The following PMS1 variants were observed in gnomAD, a reference collection of about 807,000 sequenced individuals.
PMS1 encodes PMS1 protein homolog 1.
A neutral mutation model predicts 93.1 loss-of-function variants in PMS1; 79 were observed. The observed-to-expected ratio is 0.85, with a 90% confidence interval of 0.71 to 1.02. PMS1 has a LOEUF of 1.02. Among genes scored for constraint, PMS1 ranks in the 50% least tolerant of loss-of-function variants. The probability of loss-of-function intolerance (pLI) is 0.00; values close to 1 mark genes in which losing one functional copy is unlikely to be tolerated. For synonymous variants in PMS1, 335 were observed against 363.4 expected (o/e 0.92, Z 0.89); for missense variants, 1,064 against 1,085.3 (o/e 0.98, Z 0.28).
intron 2 of PMS1, among the ~76,000 whole-genome samples, chr2:189,794,459 G>C (rs1032857437): frequency 2.0e-5 from 3 of 152,114 alleles, no homozygotes; most frequent in African/African-American, 7.2e-5. Context: ...CAAAATCTTA[G>C]GCATCTCTCT....
intron 9 of PMS1, among the ~76,000 whole-genome samples, chr2:189,863,212 GTGTT>G (rs111899559): frequency 3.4e-5 from 5 of 146,538 alleles, no homozygotes; most frequent in South Asian, 2.2e-4. Flanking sequence ...GTTTGTTTGT[GTGTT>G]TGTTTGTTGT....
intron 9 of PMS1, chr2:189,856,032 TC>T (rs1396230104): frequency 1.1e-5 from 2 of 175,136 alleles, no homozygotes; most frequent in African/African-American, 4.8e-5. Flanking sequence ...ATTTTTTTTT[TC>T]ATTCTTTCCT....
At chr2:189,827,526 A>G (rs1015265631) in intron 5 of PMS1, among the ~76,000 whole-genome samples, 2 of 152,272 alleles carry the variant, frequency 1.3e-5, no homozygotes, top group Non-Finnish European at 2.9e-5. Flanking sequence ...AATAAAAGGT[A>G]GAAAGTTCTG....
Position 189,827,439 on chromosome 2 carries a change from C to A in PMS1, c.582+9259C>A, listed in dbSNP as rs560625314. 3.3e-5 allele frequency among the ~76,000 whole-genome samples: 5 copies of A among 152,238 alleles called. No homozygotes were observed. In the South Asian group the frequency reaches 1.0e-3, roughly 32 times the overall value. On this transcript the variant is annotated intron_variant, in intron 5 of 12. Transcript: ENST00000441310. ...TTACATATGTATATCTTGAGCACTT[C>A]ATTTCTTTCTTAGAAAATTGGAATT...
At position 189,809,954 on chromosome 2, in the gene PMS1, T is replaced by A. The variant is rs561571674; in HGVS notation, c.418+4200T>A. Among the ~76,000 whole-genome samples the A allele has an allele frequency of 2.6e-5, 4 of 152,332 alleles. No individual in the cohort carries two copies. In the East Asian group the frequency reaches 7.7e-4, roughly 29 times the overall value. On this transcript the variant is annotated intron_variant, in intron 4 of 12. Transcript: ENST00000441310. ...ATACATATATTTAAAAATCAACAGGTATCTCTTTTTACTTTCATATACACA... is the reference window on the plus strand; with the variant it reads ...ATACATATATTTAAAAATCAACAGGAATCTCTTTTTACTTTCATATACACA...
chr2:189,828,727 T>A (rs750589383), intron 5 of PMS1, among the ~76,000 whole-genome samples: 1 of 152,176 alleles, frequency 6.6e-6, no homozygotes, highest in East Asian at 1.9e-4. Flanking sequence ...TGAAGAAACA[T>A]GCCCAAACTT....
intron 2 of PMS1, among the ~76,000 whole-genome samples, chr2:189,792,196 T>C (rs1444472240): frequency 6.6e-6 from 1 of 152,220 alleles, no homozygotes; most frequent in African/African-American, 2.4e-5. Flanking sequence ...AATGTTTGTA[T>C]TTTCTACAAA....
intron 12 of PMS1, among the ~76,000 whole-genome samples, chr2:189,877,006 C>T (rs1326259339): frequency 3.3e-5 from 5 of 152,078 alleles, no homozygotes; most frequent in Non-Finnish European, 5.9e-5. Context: ...TTTAATTTTA[C>T]GCATTATTTA....
intron 2 of PMS1, among the ~76,000 whole-genome samples, chr2:189,795,525 A>G (rs571327421): frequency 5.2e-4 from 79 of 152,310 alleles, no homozygotes; most frequent in African/African-American, 1.7e-3. Context: ...GTGAAAAGCA[A>G]CCTTAAAGAT....
chr2:189,798,236 C>T (rs1044769946), intron 3 of PMS1, among the ~76,000 whole-genome samples: 2 of 152,108 alleles, frequency 1.3e-5, no homozygotes, highest in African/African-American at 4.8e-5. Flanking sequence ...TAAGTAGCAC[C>T]GTTGTTAAAT....
At chr2:189,831,130 A>G (rs140178808) in intron 5 of PMS1, among the ~76,000 whole-genome samples, 286 of 152,358 alleles carry the variant, frequency 1.9e-3, no homozygotes, top group African/African-American at 6.5e-3. Context: ...TTTAAACATA[A>G]AATACATAGG....
intron 1 of PMS1, among the ~76,000 whole-genome samples, chr2:189,787,232 A>T (rs1055374216): frequency 6.6e-6 from 1 of 152,168 alleles, no homozygotes; most frequent in Non-Finnish European, 1.5e-5. Context: ...AGCCAATTGA[A>T]ATTATGTATA....
At position 189,877,290 on chromosome 2, in the gene PMS1, T is replaced by G. The variant is rs1477260786; in HGVS notation, c.2653T>G (p.Ser885Ala). 1 of 1,613,718 alleles carries G rather than the reference T, an allele frequency of 6.2e-7. No individual in the cohort carries two copies. The highest frequency in any genetic ancestry group is 1.1e-5 in the South Asian group (1 of 91,070). The change falls in exon 13 of 13, where the codon TCC becomes GCC. Residue 885 changes from serine to alanine, a missense_variant. Coordinates refer to ENST00000441310, the MANE Select transcript of PMS1 (RefSeq NM_000534.5). ...SYLEGEAVRL[S>A]RQLPMYLSKE... ...TGGACAGGGAGAAGCAGTGCGTCTA[T>G]CCAGACAATTACCCATGTACTTATC...
chr2:189,808,625 C>T (rs965156139), intron 4 of PMS1, among the ~76,000 whole-genome samples: 1 of 152,080 alleles, frequency 6.6e-6, no homozygotes, highest in African/African-American at 2.4e-5. Context: ...GCCACTGTGC[C>T]CAGCCTAAAA....
chr2:189,805,551 T>G (rs1400593163), intron 3 of PMS1, 101 bp from the exon 4 acceptor site: 2 of 945,310 alleles, frequency 2.1e-6, no homozygotes, highest in Non-Finnish European at 3.4e-6. Context: ...TAAAATACGC[T>G]ATTGAGTAAA....
rs1462293019 is a variant in PMS1 at position 189,855,030 on chromosome 2, T to C, written c.1758T>C (p.Arg586=). Reference sequence around the variant, plus strand: ...GTGCTCTTTTTGTTCAAGATCATCGTCCTCAGTTTCTCATAGAAAATCCTA... The same window carrying C: ...GTGCTCTTTTTGTTCAAGATCATCGCCCTCAGTTTCTCATAGAAAATCCTA... ...SASALFVQDH[R]PQFLIENPKT... Residue 586 remains arginine, a synonymous_variant, in exon 9 of 13, where the codon CGT becomes CGC. Coordinates refer to ENST00000441310, the MANE Select transcript of PMS1 (RefSeq NM_000534.5). 1.2e-6 allele frequency: 2 copies of C among 1,613,022 alleles called. No homozygotes were observed. Among genetic ancestry groups the C allele is most frequent in the South Asian group, 2.2e-5 (2 of 91,064 alleles).
intron 1 of PMS1, among the ~76,000 whole-genome samples, chr2:189,788,978 A>G (rs572440761): frequency 4.6e-5 from 7 of 152,310 alleles, no homozygotes; most frequent in South Asian, 2.1e-4. Flanking sequence ...GGAGTAGCCT[A>G]TAGTCCACTG....
At chr2:189,863,603 C>A in intron 9 of PMS1, 140 bp from the exon 10 acceptor site, 1 of 661,390 alleles carries the variant, frequency 1.5e-6, no homozygotes, top group Non-Finnish European at 2.6e-6. Context: ...TAGTTATATG[C>A]AGGAGAGTTA....
chr2:189,857,685 C>G (rs961486482), intron 9 of PMS1, among the ~76,000 whole-genome samples: 2 of 151,914 alleles, frequency 1.3e-5, no homozygotes, highest in Admixed American at 6.6e-5. Context: ...GCCTGAGGTA[C>G]TCTAGCTAGT....
Sources: gnomAD v4.1 joint callset for allele counts (sites outside exome capture counted in the v4.1 genomes callset) on GRCh38, gnomAD v4.1.1 for gene constraint, MANE v1.5 for transcripts, NCBI Gene and HGNC (gene_info 2026-07-23, HGNC 2026-07-21) for gene names.